Variants in HSPA9 observed in about 807,000 individuals in gnomAD.
HSPA9 encodes the protein heat shock protein family A (Hsp70) member 9, also known as stress-70 protein, mitochondrial.
HSPA9 carries 28 observed loss-of-function variants against 81.5 expected under a neutral mutation model. The observed-to-expected ratio is 0.34, with a 90% CI of 0.25 to 0.47. The LOEUF (loss-of-function observed/expected upper bound fraction) is 0.47. Ranked by LOEUF, HSPA9 falls within the 20% of genes least tolerant of loss-of-function variation. The probability of loss-of-function intolerance (pLI) is 1.00; values close to 1 mark genes in which losing one functional copy is unlikely to be tolerated. For synonymous variants in HSPA9, 293 were observed against 290.4 expected (o/e 1.01, Z -0.09); for missense variants, 678 against 838.0 (o/e 0.81, Z 2.36).
intron 9 of HSPA9, among the ~76,000 whole-genome samples, chr5:138,562,095 T>C (rs573231376): frequency 4.1e-4 from 62 of 150,612 alleles, no homozygotes; most frequent in Admixed American, 1.6e-3. Context: ...TGTGCCACCA[T>C]GCCCAGCTAA....
intron 9 of HSPA9, among the ~76,000 whole-genome samples, chr5:138,564,753 G>A (rs1750728075): frequency 6.6e-6 from 1 of 151,772 alleles, no homozygotes; most frequent in South Asian, 2.1e-4. Flanking sequence ...AATTTCCTAT[G>A]TTTTCCTAAG....
chr5:138,566,693 T>C lies in HSPA9; in HGVS notation c.905A>G (p.Asn302Ser), dbSNP rs767583577. ...RETGVDLTKDNMALQRVREAA... is the reference protein window; with the variant it reads ...RETGVDLTKDSMALQRVREAA... ...TTCCCGTACCCTCTGAAGTGCCATG[T>C]TGTCTTTAGTCAAATCAACCCCTGT... Residue 302 changes from asparagine to serine, a missense_variant, in exon 9 of 17, where the codon AAC (asparagine) becomes AGC (serine). This residue lies in a region of HSPA9 where 484 missense variants were observed against 647.5 expected (regional missense o/e 0.75). Transcript: ENST00000297185. 1.9e-6 allele frequency: 3 copies of C among 1,614,008 alleles called. No individual in the cohort carries two copies. Among genetic ancestry groups the C allele is most frequent in the African/African-American group, 1.3e-5 (1 of 75,060 alleles).
At chr5:138,574,039 C>A (rs766811593) in intron 2 of HSPA9, 29 bp downstream of exon 2, 23 of 1,563,992 alleles carry the variant, frequency 1.5e-5, no homozygotes, top group Non-Finnish European at 1.9e-5. Flanking sequence ...ATATGTATTC[C>A]CTCTCAAAGG....
intron 12 of HSPA9, 128 bp from the exon 13 acceptor site, chr5:138,558,114 A>G: frequency 2.7e-6 from 2 of 740,612 alleles, no homozygotes; most frequent in Non-Finnish European, 4.9e-6. Context: ...TTTAATGTAC[A>G]AAACACAAAG....
chr5:138,561,538 G>T, intron 10 of HSPA9, 42 bp downstream of exon 10: 2 of 1,527,478 alleles, frequency 1.3e-6, no homozygotes, highest in Non-Finnish European at 1.8e-6. Flanking sequence ...TACACTATGC[G>T]CCAGCCCTCT....
At position 138,567,179 on chromosome 5, in the gene HSPA9, GA is replaced by G. The variant is rs71574426; in HGVS notation, c.717-17del. On this transcript the variant is annotated splice_polypyrimidine_tract_variant and intron_variant, in intron 7 of 16. Transcript: ENST00000297185. ...TACAGCAATGCTGTAAATGATTTGT[GA>G]AAAAAAAAAGAAAAGAAATCCTTAA... 670,525 of 1,500,166 alleles carry G rather than the reference GA, an allele frequency of 0.45. 152,113 individuals are homozygous for G. The highest frequency in any genetic ancestry group is 0.81 in the East Asian group (35,027 of 43,330). The allele number at this position is 1,500,166 out of a possible 1,614,324, so 92.9% of individuals were successfully genotyped here. A position where few individuals can be genotyped will look rare whatever the true frequency, so the allele number is the denominator to read the frequency against.
At chr5:138,566,056 G>A (rs1191836718) in intron 9 of HSPA9, among the ~76,000 whole-genome samples, 1 of 151,900 alleles carries the variant, frequency 6.6e-6, no homozygotes, top group Non-Finnish European at 1.5e-5. Context: ...GCATGGTGGT[G>A]CACACCTGTA....
At chr5:138,561,559 C>A (rs376532538) in intron 10 of HSPA9, 21 bp downstream of exon 10, 1 of 1,600,666 alleles carries the variant, frequency 6.2e-7, no homozygotes, top group Admixed American at 1.7e-5. Context: ...CTCTCCACGA[C>A]AGAATTCCAC....
chr5:138,574,037 TC>T, intron 2 of HSPA9, 30 bp downstream of exon 2: 3 of 1,555,114 alleles, frequency 1.9e-6, no homozygotes, highest in Non-Finnish European at 2.7e-6. Context: ...TAATATGTAT[TC>T]CCTCTCAAAG....
At chr5:138,571,431 C>T (rs544432200) in intron 3 of HSPA9, among the ~76,000 whole-genome samples, 2 of 151,974 alleles carry the variant, frequency 1.3e-5, no homozygotes, top group African/African-American at 2.4e-5. Context: ...GTGATCTGCC[C>T]GCCTCAGCCT....
chr5:138,570,543 G>C (rs1199333161), intron 4 of HSPA9, among the ~76,000 whole-genome samples: 1 of 152,116 alleles, frequency 6.6e-6, no homozygotes, highest in African/African-American at 2.4e-5. Context: ...GGAGTGCAGT[G>C]GCAGTGATCT....
Position 138,555,389 on chromosome 5 carries a change from G to C in HSPA9, c.*648C>G, listed in dbSNP as rs1481614065. 6.6e-6 allele frequency: 1 copy of C among 152,278 alleles called. No homozygotes were observed. Among genetic ancestry groups the C allele is most frequent in the African/African-American group, 2.4e-5 (1 of 41,422 alleles). The allele number at this position is 152,278 out of a possible 1,614,324, so 9.4% of individuals were successfully genotyped here. ...AAAAAAAATTCCAGAATGGGTAAGA[G>C]AACAATCATCAAGGATGTAGGTGCC... On this transcript the variant is annotated 3_prime_UTR_variant, in exon 17 of 17. Coordinates refer to ENST00000297185, the MANE Select transcript of HSPA9 (RefSeq NM_004134.7).
intron 3 of HSPA9, among the ~76,000 whole-genome samples, chr5:138,572,908 T>C (rs2127162525): frequency 6.6e-6 from 1 of 152,248 alleles, no homozygotes; most frequent in Middle Eastern, 3.4e-3. Flanking sequence ...TTCTTTTTTT[T>C]TTTTTGAGAC....
chr5:138,564,964 C>T (rs992364038), intron 9 of HSPA9, among the ~76,000 whole-genome samples: 2 of 152,266 alleles, frequency 1.3e-5, no homozygotes, highest in South Asian at 2.1e-4. Context: ...TCTAGTTTAA[C>T]GTTTACTAAT....
chr5:138,565,848 A>G (rs1750749636), intron 9 of HSPA9, among the ~76,000 whole-genome samples: 1 of 152,218 alleles, frequency 6.6e-6, no homozygotes, highest in South Asian at 2.1e-4. Flanking sequence ...GGCTGGGACC[A>G]CAGTTGTATA....
intron 14 of HSPA9, 130 bp from the exon 15 acceptor site, chr5:138,556,996 A>G: frequency 2.7e-6 from 2 of 744,208 alleles, no homozygotes; most frequent in Non-Finnish European, 4.8e-6. Context: ...GAGAAATCAG[A>G]GTGGCATGAA....
intron 14 of HSPA9, 36 bp from the exon 15 acceptor site, chr5:138,556,902 A>G: frequency 6.8e-7 from 1 of 1,471,498 alleles, no homozygotes; most frequent in Non-Finnish European, 9.5e-7. Flanking sequence ...AAGACTTTCC[A>G]ATCAACCAAA....
At chr5:138,557,814 A>G (rs1750560623) in intron 13 of HSPA9, 55 bp downstream of exon 13, 1 of 1,051,922 alleles carries the variant, frequency 9.5e-7, no homozygotes, top group African/African-American at 1.6e-5. Context: ...AAGAGGGTCT[A>G]TTCCCAAGAC....
At chr5:138,574,004 G>A (rs1228871938) in intron 2 of HSPA9, 64 bp downstream of exon 2, 1 of 1,367,902 alleles carries the variant, frequency 7.3e-7, no homozygotes, top group South Asian at 1.2e-5. Flanking sequence ...AATCACAAAT[G>A]TAGAAAACAC....
Sources: gnomAD v4.1 joint callset for allele counts (sites outside exome capture counted in the v4.1 genomes callset) on GRCh38, gnomAD v4.1.1 for gene constraint, gnomAD v4.1.1 regional missense constraint, MANE v1.5 for transcripts, NCBI Gene and HGNC (gene_info 2026-07-23, HGNC 2026-07-21) for gene names.